ANK3: variants seen among roughly 807,000 people sequenced by gnomAD.
ANK3 encodes the protein ankyrin-3.
ANK3 carries 57 observed loss-of-function variants against 370.9 expected under a neutral mutation model. The ratio of observed to expected loss-of-function variants is 0.15; its 90% CI spans 0.12 to 0.19. ANK3 has a LOEUF of 0.19. Ranked by LOEUF, ANK3 falls within the 10% of genes least tolerant of loss-of-function variation. The pLI is 1.00. For missense variants in ANK3, 4,439 were observed against 5,302.1 expected, an observed-to-expected ratio of 0.84 and a Z score of 5.06; for synonymous variants, 1,929 against 1,946.3, an observed-to-expected ratio of 0.99 and a Z score of 0.23.
At chr10:60,602,062 A>G (rs1338329971) in intron 2 of ANK3, among the ~76,000 whole-genome samples, 1 of 152,144 alleles carries the variant, frequency 6.6e-6, no homozygotes, top group Non-Finnish European at 1.5e-5. Flanking sequence ...AATAGCTTAC[A>G]CTGGAATAGT....
chr10:60,394,339 TA>T (rs1415931300), upstream of ANK3, among the ~76,000 whole-genome samples: 1 of 151,970 alleles, frequency 6.6e-6, no homozygotes, highest in South Asian at 2.1e-4. Context: ...ATGAAGTTCT[TA>T]AAAAACTGTG....
At chr10:60,150,453 T>C (rs1470138569) in intron 23 of ANK3, among the ~76,000 whole-genome samples, 2 of 152,228 alleles carry the variant, frequency 1.3e-5, no homozygotes, top group African/African-American at 4.8e-5. Flanking sequence ...CTTTTTAATT[T>C]TCTTGTCACT....
In ANK3 at chr10:60,439,552, G is replaced by C. The variant is rs142165299; in HGVS notation, c.97-159913C>G. ...AAAACAAAAAACACAGACCGTGTTTGAGAATTTATATATGAAGTTGTGTAA... is the reference window on the plus strand; with the variant it reads ...AAAACAAAAAACACAGACCGTGTTTCAGAATTTATATATGAAGTTGTGTAA... On this transcript the variant is annotated intron_variant, in intron 2 of 43. Coordinates refer to the ANK3 transcript ENST00000373827. Among the ~76,000 whole-genome samples, 666 of 152,208 alleles carry C rather than the reference G, an allele frequency of 4.4e-3. 2 individuals carry two copies. The highest frequency in any genetic ancestry group is 0.016 in the African/African-American group (645 of 41,530).
chr10:60,112,933 A>G (rs543102794), intron 26 of ANK3, among the ~76,000 whole-genome samples: 115 of 152,374 alleles, frequency 7.5e-4, no homozygotes, highest in African/African-American at 2.7e-3. Context: ...TGCCAATTTC[A>G]AAGGCAAAAA....
chr10:60,323,338 T>G (rs1593738948), intron 1 of ANK3, among the ~76,000 whole-genome samples: 1 of 152,308 alleles, frequency 6.6e-6, no homozygotes, highest in East Asian at 1.9e-4. Flanking sequence ...GGGAGTTAAC[T>G]CAGCCTCATA....
chr10:60,160,851 C>T (rs577510848), intron 23 of ANK3, among the ~76,000 whole-genome samples: 1 of 152,114 alleles, frequency 6.6e-6, no homozygotes, highest in South Asian at 2.1e-4. Flanking sequence ...ATTCAATATA[C>T]TTTAATGGTC....
chr10:60,106,055 C>A lies in ANK3; in HGVS notation c.3178G>T (p.Val1060Phe), dbSNP rs762630305. 2 of 1,600,972 alleles carry A rather than the reference C, an allele frequency of 1.2e-6. No individual in the cohort carries two copies. Among genetic ancestry groups the A allele is most frequent in the Admixed American group, 1.7e-5 (1 of 57,232 alleles). ...GPAGAQFLGPVIVEIPHFGSM... is the reference protein window; with the variant it reads ...GPAGAQFLGPFIVEIPHFGSM... ...CCAAAGTGAGGGATTTCCACTATGA[C>A]AGGGCTGGAAAAAAAATCCACATTA... The change falls in exon 28 of 44, where the codon GTC (valine) becomes TTC (phenylalanine). Residue 1060 changes from valine to phenylalanine, a missense_variant. Physicochemically the swap from Val to Phe is conservative, Grantham distance 50. This residue lies in a region of ANK3 where 702 missense variants were observed against 941.5 expected (regional missense o/e 0.75). Coordinates refer to ENST00000280772, the MANE Select transcript of ANK3 (RefSeq NM_020987.5).
At chr10:60,548,370 T>C (rs934164874) in intron 2 of ANK3, among the ~76,000 whole-genome samples, 4 of 151,864 alleles carry the variant, frequency 2.6e-5, no homozygotes, top group African/African-American at 9.7e-5. Context: ...CACCACCATG[T>C]GCAGCTATTT....
intron 1 of ANK3, among the ~76,000 whole-genome samples, chr10:60,637,684 C>A (rs2078573762): frequency 1.3e-5 from 2 of 152,042 alleles, no homozygotes; most frequent in South Asian, 4.2e-4. Flanking sequence ...GGAGCCTCTT[C>A]AGGGTGAAAT....
At chr10:60,176,728 C>T (rs2095972651) in intron 18 of ANK3, among the ~76,000 whole-genome samples, 1 of 152,106 alleles carries the variant, frequency 6.6e-6, no homozygotes, top group African/African-American at 2.4e-5. Flanking sequence ...AACTGCACTC[C>T]AGCCTGAGTG....
At chr10:60,577,162 T>C (rs2077693424) in intron 2 of ANK3, among the ~76,000 whole-genome samples, 1 of 152,148 alleles carries the variant, frequency 6.6e-6, no homozygotes. Flanking sequence ...TGAGAGGGAA[T>C]AGGTGGCCAT....
intron 1 of ANK3, among the ~76,000 whole-genome samples, chr10:60,655,896 G>T (rs1229827691): frequency 2.6e-5 from 4 of 152,150 alleles, no homozygotes; most frequent in Non-Finnish European, 5.9e-5. Context: ...TTAGCATCGT[G>T]TTACAATTGC....
chr10:60,230,963 ATTCATGTG>A (rs1268004950), intron 8 of ANK3, among the ~76,000 whole-genome samples: 1 of 151,950 alleles, frequency 6.6e-6, no homozygotes, highest in Non-Finnish European at 1.5e-5. Flanking sequence ...CTCTAAGAAG[ATTCATGTG>A]CAATCATCCT....
intron 2 of ANK3, among the ~76,000 whole-genome samples, chr10:60,492,931 T>G (rs2133125110): frequency 6.8e-6 from 1 of 147,766 alleles, no homozygotes; most frequent in Non-Finnish European, 1.5e-5. Flanking sequence ...AAAAAAAAAA[T>G]TAGCCGGGTG....
At chr10:60,086,919 C>CTTTTT in intron 29 of ANK3, 35 bp from the exon 30 acceptor site, 17 of 986,946 alleles carry the variant, frequency 1.7e-5, no homozygotes, top group African/African-American at 1.3e-4. Context: ...ATGAAAGTGA[C>CTTTTT]TTTTTTTTTT....
chr10:60,061,662 A>T (rs1244304243), intron 40 of ANK3, among the ~76,000 whole-genome samples: 1 of 152,156 alleles, frequency 6.6e-6, no homozygotes, highest in Non-Finnish European at 1.5e-5. Context: ...ACTTAAAAAG[A>T]ACCGCTTTTT....
intron 1 of ANK3, among the ~76,000 whole-genome samples, chr10:60,701,945 T>C (rs933431875): frequency 4.6e-5 from 7 of 152,060 alleles, no homozygotes; most frequent in Non-Finnish European, 8.8e-5. Flanking sequence ...TAAATAAAAC[T>C]TTACAGCAGA....
intron 1 of ANK3, among the ~76,000 whole-genome samples, chr10:60,298,825 T>C (rs2043076187): frequency 6.6e-6 from 1 of 152,198 alleles, no homozygotes; most frequent in Non-Finnish European, 1.5e-5. Context: ...TTAAGACTCG[T>C]TACAGCAAGC....
At chr10:60,245,751 C>A (rs528220767) in intron 7 of ANK3, among the ~76,000 whole-genome samples, 1 of 152,268 alleles carries the variant, frequency 6.6e-6, no homozygotes, top group African/African-American at 2.4e-5. Flanking sequence ...ACAATGATAA[C>A]TTCCAATGAT....
Sources: allele counts gnomAD v4.1 joint callset (sites outside exome capture counted in the v4.1 genomes callset), GRCh38; gene constraint gnomAD v4.1.1; regional missense constraint gnomAD v4.1.1; transcripts MANE v1.5; gene names NCBI Gene and HGNC (gene_info 2026-07-23, HGNC 2026-07-21).